Variants in CDH6 observed in about 807,000 individuals in gnomAD.
CDH6 encodes cadherin 6, also known as cadherin-6.
A neutral mutation model predicts 78.0 loss-of-function variants in CDH6; 31 were observed. The observed-to-expected ratio is 0.40, with a 90% confidence interval of 0.30 to 0.54. CDH6 has a LOEUF of 0.54. Among genes scored for constraint, CDH6 ranks in the 20% least tolerant of loss-of-function variants. CDH6 has a pLI of 0.56. For synonymous variants in CDH6, 376 were observed against 368.8 expected (o/e 1.02, Z -0.23); for missense variants, 724 against 975.9 (o/e 0.74, Z 3.44).
intron 1 of CDH6, among the ~76,000 whole-genome samples, chr5:31,253,285 G>T (rs2149925869): frequency 6.6e-6 from 1 of 152,316 alleles, no homozygotes; most frequent in South Asian, 2.1e-4. Context: ...TTACCCTCAT[G>T]CTGTTCTCAT....
intron 1 of CDH6, among the ~76,000 whole-genome samples, chr5:31,243,557 T>A (rs1741661077): frequency 6.6e-6 from 1 of 152,248 alleles, no homozygotes; most frequent in Admixed American, 6.5e-5. Flanking sequence ...GACAGCATCA[T>A]GCCATGCTTG....
chr5:31,270,368 A>C (rs1298327603), intron 2 of CDH6, among the ~76,000 whole-genome samples: 1 of 152,244 alleles, frequency 6.6e-6, no homozygotes, highest in Non-Finnish European at 1.5e-5. Context: ...ATTTGAAAAA[A>C]TAATACACGT....
At chr5:31,251,387 A>G (rs986431187) in intron 1 of CDH6, 3 of 152,320 alleles carry the variant, frequency 2.0e-5, no homozygotes, top group Non-Finnish European at 4.4e-5. Flanking sequence ...AGTCTGGACT[A>G]TACAGGAACT....
chr5:31,249,573 A>T (rs1741853255), intron 1 of CDH6: 1 of 152,240 alleles, frequency 6.6e-6, no homozygotes, highest in Non-Finnish European at 1.5e-5. Flanking sequence ...CCATTTCCAT[A>T]TGTCAAAACC....
intron 11 of CDH6, among the ~76,000 whole-genome samples, chr5:31,321,384 C>T (rs548360091): frequency 6.6e-6 from 1 of 152,282 alleles, no homozygotes; most frequent in East Asian, 1.9e-4. Context: ...AAATCTGCTT[C>T]AAAACATGGC....
chr5:31,309,942 G>A (rs935011239), intron 7 of CDH6, among the ~76,000 whole-genome samples: 4 of 152,184 alleles, frequency 2.6e-5, no homozygotes, highest in African/African-American at 7.2e-5. Context: ...GATCAGATTT[G>A]GGTGGGGACA....
intron 2 of CDH6, among the ~76,000 whole-genome samples, chr5:31,273,187 G>T (rs566542631): frequency 1.3e-5 from 2 of 152,190 alleles, no homozygotes; most frequent in African/African-American, 4.8e-5. Context: ...GTTCTGAAAG[G>T]TTACTTAAAA....
chr5:31,225,816 A>G (rs777983707), intron 1 of CDH6, among the ~76,000 whole-genome samples: 9 of 152,228 alleles, frequency 5.9e-5, no homozygotes, highest in African/African-American at 1.9e-4. Context: ...TCAAATGTGC[A>G]TAATGGTACT....
At position 31,318,017 on chromosome 5, in the gene CDH6, G is replaced by A. The variant is rs955204094; in HGVS notation, c.1882+93G>A. The A allele has an allele frequency of 7.0e-6, 10 of 1,437,448 alleles. No individual in the cohort carries two copies. In the African/African-American group the frequency reaches 1.1e-4, roughly 16 times the overall value. 89.0% of individuals were successfully genotyped at this position (1,437,448 alleles called of 1,614,324 possible). ...AGATTTATCTGCCTCCCCCATTAAG[G>A]CATACAGCCTGATCTAGGTGAGTCG... On this transcript the variant is annotated intron_variant, in intron 11 of 11. Coordinates refer to ENST00000265071, the MANE Select transcript of CDH6 (RefSeq NM_004932.4).
intron 1 of CDH6, among the ~76,000 whole-genome samples, chr5:31,198,229 C>G (rs566498253): frequency 3.9e-5 from 6 of 152,278 alleles, no homozygotes; most frequent in Middle Eastern, 3.4e-3. Flanking sequence ...GTGGAGTAGA[C>G]TCATATGCAG....
intron 1 of CDH6, among the ~76,000 whole-genome samples, chr5:31,240,710 A>G (rs922005491): frequency 6.6e-6 from 1 of 152,230 alleles, no homozygotes; most frequent in African/African-American, 2.4e-5. Flanking sequence ...GCTAGGATTC[A>G]TTCCGATTAT....
intron 1 of CDH6, among the ~76,000 whole-genome samples, chr5:31,242,238 T>A (rs1741623097): frequency 1.3e-5 from 2 of 152,190 alleles, no homozygotes; most frequent in African/African-American, 4.8e-5. Context: ...GAGATTTACA[T>A]GTAATAATGA....
At position 31,326,914 on chromosome 5, in the gene CDH6, T is replaced by G. The variant is rs1309062146; in HGVS notation, c.*3606T>G. ...TTTCACCATGTTAGCCAGGATGATC[T>G]CCATCTCCTGACCTCGTGGTCCGCC... On this transcript the variant is annotated 3_prime_UTR_variant, in exon 12 of 12. Transcript: ENST00000265071. The G allele has an allele frequency of 6.3e-6, 1 of 159,444 alleles. No individual in the cohort carries two copies. The highest frequency in any genetic ancestry group is 1.4e-5 in the Non-Finnish European group (1 of 72,384). 9.9% of individuals were successfully genotyped at this position (159,444 alleles called of 1,614,324 possible).
At chr5:31,260,948 G>A (rs1742196735) in intron 1 of CDH6, among the ~76,000 whole-genome samples, 1 of 152,200 alleles carries the variant, frequency 6.6e-6, no homozygotes, top group Non-Finnish European at 1.5e-5. Context: ...ACTTCTAGAA[G>A]ATCAGCCATG....
intron 6 of CDH6, among the ~76,000 whole-genome samples, chr5:31,304,953 C>T (rs1343797726): frequency 6.6e-6 from 1 of 152,146 alleles, no homozygotes; most frequent in Non-Finnish European, 1.5e-5. Context: ...TGAACTCCTT[C>T]ACAAACTTTA....
intron 2 of CDH6, 101 bp from the exon 3 acceptor site, chr5:31,293,861 G>T (rs1227868181): frequency 2.0e-5 from 13 of 660,522 alleles, no homozygotes; most frequent in Admixed American, 3.4e-5. Flanking sequence ...TCCTTAGAAA[G>T]AATTTAATAA....
intron 1 of CDH6, among the ~76,000 whole-genome samples, chr5:31,266,759 C>A (rs984140696): frequency 6.6e-6 from 1 of 152,158 alleles, no homozygotes. Context: ...ATATGCTAAT[C>A]TGCACTCCGA....
At chr5:31,201,602 A>T (rs1740350542) in intron 1 of CDH6, among the ~76,000 whole-genome samples, 1 of 152,102 alleles carries the variant, frequency 6.6e-6, no homozygotes, top group African/African-American at 2.4e-5. Flanking sequence ...TCCTTGGCAA[A>T]ATTTAAATTT....
intron 6 of CDH6, among the ~76,000 whole-genome samples, chr5:31,304,609 C>T (rs1737925166): frequency 1.5e-5 from 2 of 136,938 alleles, no homozygotes; most frequent in South Asian, 5.1e-4. Flanking sequence ...CACTTGAATC[C>T]GGGAGGCAGT....
Sources: gnomAD v4.1 joint callset for allele counts (sites outside exome capture counted in the v4.1 genomes callset) on GRCh38, gnomAD v4.1.1 for gene constraint, MANE v1.5 for transcripts, NCBI Gene and HGNC (gene_info 2026-07-23, HGNC 2026-07-21) for gene names.